The following PCDH15 variants were observed in gnomAD, a reference collection of about 807,000 sequenced individuals.
PCDH15 encodes protocadherin-15.
A neutral mutation model predicts 178.5 loss-of-function variants in PCDH15; 129 were observed. The ratio of observed to expected loss-of-function variants is 0.72; its 90% CI spans 0.63 to 0.84. The LOEUF (loss-of-function observed/expected upper bound fraction) is 0.84. Among genes scored for constraint, PCDH15 ranks in the 40% least tolerant of loss-of-function variants. The probability of loss-of-function intolerance (pLI) is 0.00; values close to 1 mark genes in which losing one functional copy is unlikely to be tolerated. For missense variants in PCDH15, 2,230 were observed against 2,099.9 expected (o/e 1.06, Z -1.21); for synonymous variants, 800 against 732.0 (o/e 1.09, Z -1.50).
chr10:54,275,470 CT>C (rs1324320137), intron 8 of PCDH15, among the ~76,000 whole-genome samples: 1 of 151,784 alleles, frequency 6.6e-6, no homozygotes, highest in Non-Finnish European at 1.5e-5. Flanking sequence ...TCTTGTGCCC[CT>C]GATGATATGC....
chr10:55,013,740 A>G (rs572123984), intron 2 of PCDH15, among the ~76,000 whole-genome samples: 8 of 152,300 alleles, frequency 5.3e-5, no homozygotes, highest in African/African-American at 1.9e-4. Context: ...TCATGAAGTC[A>G]AATTCAAGAC....
At chr10:55,545,411 G>A (rs893127836) in intron 2 of PCDH15, among the ~76,000 whole-genome samples, 2 of 152,188 alleles carry the variant, frequency 1.3e-5, no homozygotes, top group East Asian at 3.9e-4. Context: ...TAGTAGCTGG[G>A]ATTACAGGTG....
chr10:54,168,354 G>A (rs1226843740), intron 13 of PCDH15, among the ~76,000 whole-genome samples: 1 of 151,976 alleles, frequency 6.6e-6, no homozygotes. Flanking sequence ...TGTCCCCTCA[G>A]TACCAACCCC....
chr10:54,893,209 G>A (rs1186591393), intron 3 of PCDH15, among the ~76,000 whole-genome samples: 1 of 151,508 alleles, frequency 6.6e-6, no homozygotes, highest in Non-Finnish European at 1.5e-5. Flanking sequence ...CACAAAAAAG[G>A]AAATTTTTAA....
chr10:55,499,921 T>C (rs1840618808), intron 2 of PCDH15, among the ~76,000 whole-genome samples: 1 of 151,688 alleles, frequency 6.6e-6, no homozygotes, highest in Non-Finnish European at 1.5e-5. Context: ...TCGAAATAAT[T>C]AGGTAATTTT....
At chr10:55,289,515 GT>G (rs1432293659) in intron 1 of PCDH15, among the ~76,000 whole-genome samples, 1 of 151,336 alleles carries the variant, frequency 6.6e-6, no homozygotes, top group Non-Finnish European at 1.5e-5. Flanking sequence ...AGAAAGAAAA[GT>G]GTTAAAAAAA....
At position 53,806,943 on chromosome 10, in the gene PCDH15, G is replaced by C; in HGVS notation, c.4859C>G (p.Thr1620Arg). The change falls in exon 38 of 38, where the codon ACG becomes AGG. Residue 1620 changes from threonine to arginine, a missense_variant. Thr to Arg is a moderately conservative substitution (Grantham distance 71, BLOSUM62 -1). Coordinates refer to ENST00000644397, the MANE Select transcript of PCDH15 (RefSeq NM_001384140.1). ...AGGGGAAGCAACTTTTAAGTTGTCC[G>C]TGAGGCAGGCACGGCGGGTTCTCAC... ...SVVRTRRACL[T>R]DNLKVASPVR... is the part of the protein sequence containing the mutation. 6.2e-7 allele frequency: 1 copy of C among 1,613,848 alleles called. No individual in the cohort carries two copies.
At chr10:55,557,513 G>C (rs1275506574) in intron 2 of PCDH15, among the ~76,000 whole-genome samples, 2 of 152,212 alleles carry the variant, frequency 1.3e-5, no homozygotes, top group Non-Finnish European at 2.9e-5. Flanking sequence ...AGTAGAATCA[G>C]AGAACACAAA....
At chr10:53,899,770 C>G (rs1174694102) in intron 26 of PCDH15, among the ~76,000 whole-genome samples, 1 of 152,052 alleles carries the variant, frequency 6.6e-6, no homozygotes, top group South Asian at 2.1e-4. Context: ...TTTTGTTGCT[C>G]TAAGTATAAA....
chr10:54,690,138 G>A (rs1268942467), intron 1 of PCDH15, among the ~76,000 whole-genome samples: 1 of 152,066 alleles, frequency 6.6e-6, no homozygotes, highest in Admixed American at 6.6e-5. Context: ...TGACACTGTA[G>A]CTGTCATAAC....
intron 1 of PCDH15, among the ~76,000 whole-genome samples, chr10:55,253,960 C>T (rs1310040149): frequency 1.3e-5 from 2 of 152,130 alleles, no homozygotes; most frequent in Non-Finnish European, 2.9e-5. Flanking sequence ...ACACAAAATG[C>T]TGGTGAGCCA....
intron 1 of PCDH15, among the ~76,000 whole-genome samples, chr10:54,742,403 T>C (rs1355355362): frequency 6.6e-6 from 1 of 152,060 alleles, no homozygotes; most frequent in Non-Finnish European, 1.5e-5. Flanking sequence ...CCAGCCTAGT[T>C]GTTACCCCTC....
chr10:54,285,628 A>C (rs143438691), intron 8 of PCDH15, among the ~76,000 whole-genome samples: 1 of 152,254 alleles, frequency 6.6e-6, no homozygotes, highest in Non-Finnish European at 1.5e-5. Context: ...TGGGAATGTA[A>C]ATTAGTACAG....
rs1454039323 is a variant in PCDH15, at chr10:53,804,661, A to AAGAT, written c.*1914_*1917dup. 3 of 152,044 alleles carry AAGAT rather than the reference A, an allele frequency of 2.0e-5. No homozygotes were observed. Among genetic ancestry groups the AAGAT allele is most frequent in the Non-Finnish European group, 4.4e-5 (3 of 67,930 alleles). 9.4% of individuals were successfully genotyped at this position (152,044 alleles called of 1,614,324 possible). A position where few individuals can be genotyped will look rare whatever the true frequency, so the allele number is the denominator to read the frequency against. Reference sequence around the variant, plus strand: ...CTGACTGAGATGATCTGGGGGTATCAAGATAATATTAAATTATATTCGATG... The same window carrying AAGAT: ...CTGACTGAGATGATCTGGGGGTATCAAGATAGATAATATTAAATTATATTCGATG... On this transcript the variant is annotated 3_prime_UTR_variant, in exon 38 of 38. Transcript: ENST00000644397.
At chr10:54,252,125 C>T (rs1390529126) in intron 8 of PCDH15, among the ~76,000 whole-genome samples, 4 of 152,090 alleles carry the variant, frequency 2.6e-5, no homozygotes, top group Non-Finnish European at 5.9e-5. Flanking sequence ...GAAATCTCTC[C>T]TTTATCCCTG....
intron 2 of PCDH15, among the ~76,000 whole-genome samples, chr10:55,584,753 A>G (rs1429801987): frequency 6.6e-6 from 1 of 151,390 alleles, no homozygotes; most frequent in East Asian, 1.9e-4. Flanking sequence ...ACACATATAG[A>G]TAGATATAAA....
At chr10:55,513,653 A>T (rs770045438) in intron 2 of PCDH15, among the ~76,000 whole-genome samples, 21 of 152,086 alleles carry the variant, frequency 1.4e-4, no homozygotes, top group Non-Finnish European at 2.8e-4. Context: ...ACTTTTTATT[A>T]AAACTTTATT....
intron 2 of PCDH15, among the ~76,000 whole-genome samples, chr10:55,542,112 T>A (rs775932869): frequency 4.6e-5 from 7 of 151,552 alleles, no homozygotes; most frequent in Admixed American, 1.3e-4. Context: ...CTGGAACCTA[T>A]AACCACAAAG....
chr10:54,860,353 T>C (rs1953817744), intron 3 of PCDH15, among the ~76,000 whole-genome samples: 1 of 152,146 alleles, frequency 6.6e-6, no homozygotes, highest in Non-Finnish European at 1.5e-5. Flanking sequence ...TTTATGTTCA[T>C]GTGGTATACC....
Sources: allele counts gnomAD v4.1 joint callset (sites outside exome capture counted in the v4.1 genomes callset), GRCh38; gene constraint gnomAD v4.1.1; transcripts MANE v1.5; gene names NCBI Gene and HGNC (gene_info 2026-07-23, HGNC 2026-07-21).